Variants in PARP8 observed in about 807,000 individuals in gnomAD.
The protein encoded by PARP8 is protein mono-ADP-ribosyltransferase PARP8.
In PARP8, 51 loss-of-function variants were observed where a neutral mutation model predicts 124.1. That is an observed-to-expected ratio of 0.41 (90% CI 0.33 to 0.52). PARP8 has a LOEUF of 0.52. Among genes scored for constraint, PARP8 ranks in the 20% least tolerant of loss-of-function variants. PARP8 has a pLI of 0.21. For synonymous variants in PARP8, 391 were observed against 361.5 expected (o/e 1.08, Z -0.93); for missense variants, 860 against 1,018.9 (o/e 0.84, Z 2.12).
rs554101553 is a variant in PARP8 at position 50,711,238 on chromosome 5, G to A, written c.147-38913G>A. On this transcript the variant is annotated intron_variant, in intron 2 of 25. Transcript: ENST00000281631. ...CTGTTTTAAATATTATTGTCTATCAGCCATTCATTACTACCTTTTTCCATG... is the reference window on the plus strand; with the variant it reads ...CTGTTTTAAATATTATTGTCTATCAACCATTCATTACTACCTTTTTCCATG... Among the ~76,000 whole-genome samples, 6 of 152,214 alleles carry A rather than the reference G, an allele frequency of 3.9e-5. 1 individual carries two copies. The South Asian group carries it at 1.2e-3, about 32-fold the overall frequency.
chr5:50,828,480 A>G (rs1432017869), intron 21 of PARP8, 96 bp downstream of exon 21: 5 of 1,063,008 alleles, frequency 4.7e-6, no homozygotes, highest in Non-Finnish European at 7.1e-6. Context: ...CAAAAGAGGA[A>G]GCATGTGAGT....
At chr5:50,776,207 A>G (rs772528869) in intron 7 of PARP8, among the ~76,000 whole-genome samples, 3 of 152,194 alleles carry the variant, frequency 2.0e-5, no homozygotes, top group Non-Finnish European at 2.9e-5. Flanking sequence ...GCATATGTTG[A>G]ATCATCTTGC....
chr5:50,774,213 A>C (rs1761922871), intron 7 of PARP8, among the ~76,000 whole-genome samples: 1 of 152,168 alleles, frequency 6.6e-6, no homozygotes, highest in African/African-American at 2.4e-5. Flanking sequence ...TACAGAACAA[A>C]ATGGAGTCTC....
chr5:50,667,766 C>A (rs934605607), intron 1 of PARP8: 5 of 752,554 alleles, frequency 6.6e-6, no homozygotes, highest in African/African-American at 3.4e-5. Context: ...CCATTTTGCT[C>A]CCCCGGGATT....
At chr5:50,744,635 C>T (rs557049041) in intron 2 of PARP8, 2 of 672,566 alleles carry the variant, frequency 3.0e-6, no homozygotes, top group Non-Finnish European at 2.7e-6. Context: ...ATACCAAACA[C>T]ATATTTGACT....
At chr5:50,697,846 G>A (rs1167819042) in intron 2 of PARP8, among the ~76,000 whole-genome samples, 2 of 152,172 alleles carry the variant, frequency 1.3e-5, no homozygotes, top group Admixed American at 6.5e-5. Flanking sequence ...CTTCAATAAT[G>A]TGTTTCAGCA....
chr5:50,759,589 G>A (rs1371482891), intron 3 of PARP8, 54 bp from the exon 4 acceptor site: 1 of 1,480,038 alleles, frequency 6.8e-7, no homozygotes, highest in African/African-American at 1.5e-5. Flanking sequence ...TTTTTGTAAA[G>A]GATGTATTTT....
intron 9 of PARP8, among the ~76,000 whole-genome samples, chr5:50,785,255 A>G (rs1433371152): frequency 6.6e-6 from 1 of 152,142 alleles, no homozygotes; most frequent in Non-Finnish European, 1.5e-5. Flanking sequence ...CTTTCTAGTC[A>G]TGCATAGTAT....
intron 14 of PARP8, among the ~76,000 whole-genome samples, chr5:50,807,405 A>C (rs1580408875): frequency 1.3e-5 from 2 of 152,124 alleles, no homozygotes. Context: ...CTGGATTTTC[A>C]ATTTAAAAGT....
intron 2 of PARP8, chr5:50,741,710 AACTT>A (rs1423415306): frequency 3.5e-6 from 1 of 285,394 alleles, no homozygotes; most frequent in Non-Finnish European, 6.8e-6. Context: ...TTGAGAAACT[AACTT>A]AATGTTTGTT....
At chr5:50,828,162 T>C (rs1580483252) in intron 20 of PARP8, 106 bp downstream of exon 20, 3 of 1,127,158 alleles carry the variant, frequency 2.7e-6, no homozygotes, top group East Asian at 4.8e-5. Context: ...CAGTAGATGG[T>C]CATTCAACAG....
intron 6 of PARP8, among the ~76,000 whole-genome samples, chr5:50,762,794 A>G (rs553212241): frequency 2.4e-4 from 36 of 152,206 alleles, no homozygotes; most frequent in Non-Finnish European, 4.0e-4. Context: ...ACATTATGCA[A>G]AATCATTCCT....
chr5:50,713,313 T>G (rs1754967643), intron 2 of PARP8, among the ~76,000 whole-genome samples: 1 of 152,060 alleles, frequency 6.6e-6, no homozygotes, highest in African/African-American at 2.4e-5. Flanking sequence ...TGATCTTGGT[T>G]CACCACAACC....
intron 17 of PARP8, 112 bp downstream of exon 17, chr5:50,822,512 G>A (rs1745879372): frequency 7.7e-6 from 6 of 780,020 alleles, no homozygotes; most frequent in Middle Eastern, 3.1e-4. Flanking sequence ...AATTTGTGCG[G>A]TATTAAGATG....
At chr5:50,808,273 G>A (rs1744082807) in intron 14 of PARP8, among the ~76,000 whole-genome samples, 1 of 151,636 alleles carries the variant, frequency 6.6e-6, no homozygotes, top group South Asian at 2.1e-4. Flanking sequence ...CAGGAGGGAA[G>A]AAGAGGAAGG....
At chr5:50,820,194 T>G (rs1231828550) in intron 15 of PARP8, among the ~76,000 whole-genome samples, 1 of 152,208 alleles carries the variant, frequency 6.6e-6, no homozygotes, top group Non-Finnish European at 1.5e-5. Flanking sequence ...TCAGCTCTGC[T>G]GTCATTAGGT....
At chr5:50,830,663 G>T (rs1203758214) in intron 22 of PARP8, among the ~76,000 whole-genome samples, 5 of 152,134 alleles carry the variant, frequency 3.3e-5, no homozygotes, top group East Asian at 1.9e-4. Context: ...TATGCTCATT[G>T]TATAAATTCA....
At chr5:50,678,332 A>G (rs1390083122) in intron 2 of PARP8, among the ~76,000 whole-genome samples, 1 of 152,180 alleles carries the variant, frequency 6.6e-6, no homozygotes, top group African/African-American at 2.4e-5. Flanking sequence ...AACATGTTTG[A>G]AATGTGTTTG....
intron 9 of PARP8, among the ~76,000 whole-genome samples, chr5:50,785,952 G>A (rs1366982699): frequency 1.3e-5 from 2 of 151,890 alleles, no homozygotes; most frequent in Admixed American, 6.6e-5. Flanking sequence ...CACCTAATTA[G>A]GACACCATCC....
Sources: allele counts gnomAD v4.1 joint callset (sites outside exome capture counted in the v4.1 genomes callset), GRCh38; gene constraint gnomAD v4.1.1; transcripts MANE v1.5; gene names NCBI Gene and HGNC (gene_info 2026-07-23, HGNC 2026-07-21).